The following ZNF385D variants were observed in gnomAD, a reference collection of about 807,000 sequenced individuals.
ZNF385D encodes the protein zinc finger protein 659.
Under a neutral mutation model 35.8 loss-of-function variants are expected in ZNF385D, and 15 were observed. That is an observed-to-expected ratio of 0.42 (90% CI 0.28 to 0.64). The LOEUF (loss-of-function observed/expected upper bound fraction) is 0.64, where lower values mean the gene tolerates loss of function less well. Among genes scored for constraint, ZNF385D ranks in the 30% least tolerant of loss-of-function variants. The pLI, the probability that ZNF385D is intolerant of heterozygous loss-of-function variation, is 0.23. For missense variants in ZNF385D, 474 were observed against 494.6 expected (o/e 0.96, Z 0.39); for synonymous variants, 212 against 186.8 (o/e 1.13, Z -1.10).
In ZNF385D at chr3:22,014,855, T is replaced by G. The variant is rs1159977808; in HGVS notation, c.325+153962A>C. ...CAAAAGTAATTCTTTGTAAACTAATTTTGTACAAAATATTTAAAAATTCTG... is the reference window on the plus strand; with the variant it reads ...CAAAAGTAATTCTTTGTAAACTAATGTTGTACAAAATATTTAAAAATTCTG... On this transcript the variant is annotated intron_variant, in intron 3 of 5. Coordinates refer to the ZNF385D transcript ENST00000494108. Among the ~76,000 whole-genome samples the G allele has an allele frequency of 2.6e-5, 4 of 152,178 alleles. No homozygotes were observed. In the South Asian group the frequency reaches 6.2e-4, roughly 24 times the overall value.
At chr3:22,243,953 T>C (rs970456958) in intron 2 of ZNF385D, among the ~76,000 whole-genome samples, 1 of 150,944 alleles carries the variant, frequency 6.6e-6, no homozygotes, top group Non-Finnish European at 1.5e-5. Flanking sequence ...ATTTCTATTA[T>C]ATATATTTCA....
chr3:21,643,450 G>A (rs1232349296), intron 2 of ZNF385D, among the ~76,000 whole-genome samples: 2 of 152,132 alleles, frequency 1.3e-5, no homozygotes, highest in Non-Finnish European at 2.9e-5. Context: ...GGAAGGACTG[G>A]TGAAACAGCA....
chr3:21,427,537 G>A (rs1701078486), intron 5 of ZNF385D, among the ~76,000 whole-genome samples: 1 of 152,114 alleles, frequency 6.6e-6, no homozygotes, highest in African/African-American at 2.4e-5. Context: ...AGAGAAAAAA[G>A]CCAGACATAG....
In ZNF385D at chr3:22,265,036, T is replaced by C. The variant is rs180903329; in HGVS notation, c.107-96001A>G. ...GGACTTTTTTTCATGCAACATATTA[T>C]TGAACACCTTCTATGTGCTATGCTC... is the stretch of plus-strand genomic sequence containing the variant. On this transcript the variant is annotated intron_variant, in intron 2 of 5. Coordinates refer to the ZNF385D transcript ENST00000494108. 9.9e-5 allele frequency among the ~76,000 whole-genome samples: 15 copies of C among 152,046 alleles called. No homozygotes were observed. The East Asian group carries it at 1.9e-3, about 20-fold the overall frequency.
At chr3:21,777,688 T>C (rs920578079) in intron 3 of ZNF385D, 14 of 151,954 alleles carry the variant, frequency 9.2e-5, no homozygotes, top group African/African-American at 3.4e-4. Context: ...CCATGCAACT[T>C]TGCAATTCTT....
intron 2 of ZNF385D, among the ~76,000 whole-genome samples, chr3:22,209,451 T>C (rs1258335632): frequency 3.3e-5 from 5 of 151,906 alleles, no homozygotes. Flanking sequence ...TTATTAATGA[T>C]TTTTAAGTCC....
At chr3:22,125,636 C>G (rs1288571446) in intron 3 of ZNF385D, among the ~76,000 whole-genome samples, 1 of 151,956 alleles carries the variant, frequency 6.6e-6, no homozygotes, top group African/African-American at 2.4e-5. Flanking sequence ...TTGTAAAGGT[C>G]TTTCACATTT....
intron 3 of ZNF385D, among the ~76,000 whole-genome samples, chr3:22,123,080 C>G (rs1703186370): frequency 6.6e-6 from 1 of 152,106 alleles, no homozygotes; most frequent in African/African-American, 2.4e-5. Context: ...CATCTGACAT[C>G]TGTTCTGATA....
At chr3:22,001,704 A>G (rs953740629) in intron 3 of ZNF385D, among the ~76,000 whole-genome samples, 6 of 151,566 alleles carry the variant, frequency 4.0e-5, no homozygotes, top group African/African-American at 1.5e-4. Context: ...AACATTCTTT[A>G]GGATAAACCA....
At chr3:22,134,012 G>C (rs1703958952) in intron 3 of ZNF385D, 1 of 152,032 alleles carries the variant, frequency 6.6e-6, no homozygotes, top group African/African-American at 2.4e-5. Flanking sequence ...GGCAGAAAAG[G>C]GGAAACAGAC....
At chr3:22,336,211 A>T (rs1695152964) in intron 2 of ZNF385D, among the ~76,000 whole-genome samples, 1 of 152,194 alleles carries the variant, frequency 6.6e-6, no homozygotes, top group Non-Finnish European at 1.5e-5. Context: ...AATAAATTCC[A>T]GAAATTTTAA....
At chr3:22,063,630 G>T (rs1699796061) in intron 3 of ZNF385D, among the ~76,000 whole-genome samples, 1 of 152,116 alleles carries the variant, frequency 6.6e-6, no homozygotes, top group Non-Finnish European at 1.5e-5. Flanking sequence ...CTGTGCTCAG[G>T]TCCTCTTTGA....
rs183364498 is a variant in ZNF385D at position 22,178,701 on chromosome 3, G to A, written c.107-9666C>T. 3.6e-4 allele frequency among the ~76,000 whole-genome samples: 55 copies of A among 152,238 alleles called. 1 individual carries two copies. Among genetic ancestry groups the A allele is most frequent in the South Asian group, 2.1e-3 (10 of 4,816 alleles). On this transcript the variant is annotated intron_variant, in intron 2 of 5. Transcript: ENST00000494108. ...ATGGTATTGCCTAGGTTTTCTTCTA[G>A]GGTTTTTATGGATTTAGGTCTAACA...
chr3:21,989,065 G>T (rs941693598), intron 3 of ZNF385D, among the ~76,000 whole-genome samples: 5 of 152,096 alleles, frequency 3.3e-5, no homozygotes, highest in Admixed American at 6.5e-5. Flanking sequence ...GCACTCCCTA[G>T]TGAGATGAAC....
chr3:22,173,181 C>A (rs184391756), intron 2 of ZNF385D, among the ~76,000 whole-genome samples: 6 of 152,262 alleles, frequency 3.9e-5, no homozygotes, highest in African/African-American at 1.4e-4. Context: ...TAGGGGAAGT[C>A]TGAGAAATTG....
At chr3:22,162,389 G>T (rs763312530) in intron 3 of ZNF385D, among the ~76,000 whole-genome samples, 3 of 152,084 alleles carry the variant, frequency 2.0e-5, no homozygotes, top group African/African-American at 7.2e-5. Context: ...ATGCAAACAG[G>T]CTTTCTCTGA....
intron 3 of ZNF385D, among the ~76,000 whole-genome samples, chr3:21,858,072 G>A (rs1247014712): frequency 1.3e-5 from 2 of 149,076 alleles, no homozygotes; most frequent in South Asian, 2.1e-4. Flanking sequence ...TGAGGTAGGA[G>A]AATCACTTGA....
At chr3:21,862,823 C>T (rs934502778) in intron 3 of ZNF385D, among the ~76,000 whole-genome samples, 1 of 152,116 alleles carries the variant, frequency 6.6e-6, no homozygotes, top group African/African-American at 2.4e-5. Flanking sequence ...GCTCTTTGAC[C>T]TAAGAAAGAC....
At chr3:22,118,698 G>C (rs1383109388) in intron 3 of ZNF385D, among the ~76,000 whole-genome samples, 1 of 152,034 alleles carries the variant, frequency 6.6e-6, no homozygotes, top group East Asian at 1.9e-4. Context: ...GCAGATAGCT[G>C]TTTTGTCTCT....
Sources: allele counts gnomAD v4.1 joint callset (sites outside exome capture counted in the v4.1 genomes callset), GRCh38; gene constraint gnomAD v4.1.1; transcripts MANE v1.5; gene names NCBI Gene and HGNC (gene_info 2026-07-23, HGNC 2026-07-21).